Variants in MYO18B observed in about 807,000 individuals in gnomAD.
The protein encoded by MYO18B is unconventional myosin-XVIIIb.
A neutral mutation model predicts 273.0 loss-of-function variants in MYO18B; 204 were observed. The observed-to-expected ratio is 0.75, with a 90% CI of 0.67 to 0.84. The LOEUF is 0.84. Ranked by LOEUF, MYO18B falls within the 40% of genes least tolerant of loss-of-function variation. The pLI is 0.00. For missense variants in MYO18B, 3,212 were observed against 3,287.6 expected (o/e 0.98, Z 0.56); for synonymous variants, 1,330 against 1,305.7 (o/e 1.02, Z -0.40).
At chr22:25,856,311 C>A (rs2090572334) in intron 21 of MYO18B, among the ~76,000 whole-genome samples, 2 of 152,188 alleles carry the variant, frequency 1.3e-5, no homozygotes, top group Admixed American at 1.3e-4. Context: ...AGCATCTTTT[C>A]ATGTTCACAC....
chr22:26,056,688 C>T, the MYO18B span, among the ~76,000 whole-genome samples: 2 of 152,218 alleles, frequency 1.3e-5, no homozygotes, highest in African/African-American at 4.8e-5. Context: ...CAATTCCTGT[C>T]TTGCCCGACC....
rs10600754 is a variant in MYO18B at position 25,950,345 on chromosome 22, A to AT, written c.5749-11dup. 0.15 allele frequency: 215,773 copies of AT among 1,404,048 alleles called. 4,424 individuals are homozygous for AT. The highest frequency in any genetic ancestry group is 0.24 in the East Asian group (8,781 of 36,760). The allele number at this position is 1,404,048 out of a possible 1,614,324, so 87.0% of individuals were successfully genotyped here. A position where few individuals can be genotyped will look rare whatever the true frequency, so the allele number is the denominator to read the frequency against. On this transcript the variant is annotated intron_variant, in intron 36 of 43. Transcript: ENST00000335473. Reference sequence around the variant, plus strand: ...TGTGGACTCAGGGTGATATATATACATTTTTTTTTTTGTCTCACCAGTCTG... The same window carrying AT: ...TGTGGACTCAGGGTGATATATATACATTTTTTTTTTTTGTCTCACCAGTCTG...
chr22:25,789,078 T>C (rs2087528831), intron 11 of MYO18B, among the ~76,000 whole-genome samples: 2 of 19,136 alleles, frequency 1.0e-4, no homozygotes, highest in Middle Eastern at 0.028. Context: ...TCCTCCTCCT[T>C]CTTCTTCCTC....
At chr22:25,830,283 C>T (rs1021469748) in intron 15 of MYO18B, among the ~76,000 whole-genome samples, 8 of 151,506 alleles carry the variant, frequency 5.3e-5, no homozygotes, top group Admixed American at 1.3e-4. Flanking sequence ...TTTTTTTTTA[C>T]GTGGAAAACA....
Position 25,868,335 on chromosome 22 carries a change from C to A in MYO18B, c.3901C>A (p.Leu1301Met). Residue 1301 changes from leucine to methionine, a missense_variant, in exon 22 of 44, where the codon CTG becomes ATG. Transcript: ENST00000335473. Reference protein sequence around the residue: ...IDERKAVEELLETLDLEKKAV... With the variant: ...IDERKAVEELMETLDLEKKAV... ...TTTTCCCCAGGCCGTGGAGGAGCTC[C>A]TGGAGACCCTGGATCTGGAAAAGAA... is the stretch of plus-strand genomic sequence containing the variant. 1 of 1,603,392 alleles carries A rather than the reference C, an allele frequency of 6.2e-7. No individual in the cohort carries two copies. Among genetic ancestry groups the A allele is most frequent in the Non-Finnish European group, 8.5e-7 (1 of 1,175,020 alleles).
Position 25,908,317 on chromosome 22 carries a change from C to G in MYO18B, c.5149-5C>G. ...CCTCACGTGCTGTCCTTGCTGCCCC[C>G]GCAGCTCCGCCAGCGGTTTGAGCTG... On this transcript the variant is annotated splice_region_variant and splice_polypyrimidine_tract_variant and intron_variant, in intron 31 of 43. Coordinates refer to ENST00000335473, the MANE Select transcript of MYO18B (RefSeq NM_032608.7). The G allele has an allele frequency of 6.4e-7, 1 of 1,569,992 alleles. No homozygotes were observed. The highest frequency in any genetic ancestry group is 8.6e-7 in the Non-Finnish European group (1 of 1,157,806).
intron 21 of MYO18B, among the ~76,000 whole-genome samples, chr22:25,867,882 C>T (rs1440932143): frequency 6.6e-6 from 1 of 152,188 alleles, no homozygotes; most frequent in Non-Finnish European, 1.5e-5. Context: ...CCGCCCACCT[C>T]AGCCTCCCAA....
intron 12 of MYO18B, among the ~76,000 whole-genome samples, chr22:25,808,295 A>C (rs2088576365): frequency 6.6e-6 from 1 of 152,070 alleles, no homozygotes; most frequent in Non-Finnish European, 1.5e-5. Context: ...CCTGTTCTCC[A>C]CCTCAGCCCC....
intron 40 of MYO18B, among the ~76,000 whole-genome samples, chr22:26,002,399 A>T (rs1934040897): frequency 6.6e-6 from 1 of 152,182 alleles, no homozygotes; most frequent in Admixed American, 6.5e-5. Context: ...TCCAGAAGGG[A>T]TGTTGGTCAC....
At chr22:25,911,757 G>GA (rs1022038014) in intron 33 of MYO18B, among the ~76,000 whole-genome samples, 2 of 151,878 alleles carry the variant, frequency 1.3e-5, no homozygotes, top group African/African-American at 2.4e-5. Context: ...GTCCTTTGGG[G>GA]AAAAAAAATC....
At chr22:26,038,536 G>T in the MYO18B span, among the ~76,000 whole-genome samples, 1 of 152,130 alleles carries the variant, frequency 6.6e-6, no homozygotes, top group Non-Finnish European at 1.5e-5. Context: ...ACCACCTGAA[G>T]CCAAAGTCCA....
chr22:25,743,151 A>C (rs996921500), intron 1 of MYO18B, among the ~76,000 whole-genome samples: 2 of 152,220 alleles, frequency 1.3e-5, no homozygotes, highest in Non-Finnish European at 1.5e-5. Flanking sequence ...CTCAACCCGC[A>C]AGTGTGGGGA....
At chr22:25,910,865 C>A in intron 32 of MYO18B, 81 bp from the exon 33 acceptor site, 1 of 1,135,962 alleles carries the variant, frequency 8.8e-7, no homozygotes, top group Middle Eastern at 2.0e-4. Context: ...ATTCCTCCGC[C>A]TTCTGAGGGT....
intron 22 of MYO18B, among the ~76,000 whole-genome samples, chr22:25,872,049 G>C (rs906792272): frequency 6.6e-6 from 1 of 151,976 alleles, no homozygotes; most frequent in African/African-American, 2.4e-5. Flanking sequence ...GAAGCAATCT[G>C]ATAGGTAATG....
intron 35 of MYO18B, 70 bp downstream of exon 35, chr22:25,946,320 G>C (rs908606962): frequency 9.3e-7 from 1 of 1,079,918 alleles, no homozygotes; most frequent in African/African-American, 1.6e-5. Context: ...TGTGGGCCTA[G>C]TGTGCGCTCA....
At chr22:25,909,089 C>T (rs1016948178) in intron 32 of MYO18B, among the ~76,000 whole-genome samples, 1 of 152,200 alleles carries the variant, frequency 6.6e-6, no homozygotes, top group African/African-American at 2.4e-5. Flanking sequence ...CTAACTTATA[C>T]AGTAAATCCC....
chr22:25,966,937 T>C (rs1030913127), intron 39 of MYO18B, among the ~76,000 whole-genome samples: 7 of 152,220 alleles, frequency 4.6e-5, no homozygotes, highest in African/African-American at 1.4e-4. Context: ...TGAGTTATCC[T>C]GATAATAAAA....
rs369391223 is a variant in MYO18B at position 26,003,309 on chromosome 22, T to C, written c.6332T>C (p.Met2111Thr). Residue 2111 changes from methionine (M) to threonine (T), a missense_variant and splice_region_variant, in exon 41 of 44, where the codon ATG (methionine) becomes ACG (threonine). Transcript: ENST00000335473. ...VDCGSSGRKEMDNVSILSSQP... is the reference protein window; with the variant it reads ...VDCGSSGRKETDNVSILSSQP... ...TGTGGCAGCAGCGGCCGAAAAGAGA[T>C]GTAAGTTAACCCCAGGTAGAACTGA... 1.2e-6 allele frequency: 2 copies of C among 1,606,006 alleles called. No homozygotes were observed. Among genetic ancestry groups the C allele is most frequent in the South Asian group, 2.2e-5 (2 of 89,200 alleles).
At chr22:25,971,256 C>G (rs1476368212) in intron 39 of MYO18B, among the ~76,000 whole-genome samples, 2 of 152,222 alleles carry the variant, frequency 1.3e-5, no homozygotes. Context: ...TTGCTCTATG[C>G]TCTGTTGGAA....
Sources: allele counts gnomAD v4.1 joint callset (sites outside exome capture counted in the v4.1 genomes callset), GRCh38; gene constraint gnomAD v4.1.1; transcripts MANE v1.5; gene names NCBI Gene and HGNC (gene_info 2026-07-23, HGNC 2026-07-21).